PRKCH: variants seen among roughly 807,000 people sequenced by gnomAD.
The protein encoded by PRKCH is protein kinase C eta type.
PRKCH carries 28 observed loss-of-function variants against 82.5 expected under a neutral mutation model. The ratio of observed to expected loss-of-function variants is 0.34; its 90% CI spans 0.25 to 0.47. PRKCH has a LOEUF of 0.47. Ranked by LOEUF, PRKCH falls within the 20% of genes least tolerant of loss-of-function variation. The pLI, the probability that PRKCH is intolerant of heterozygous loss-of-function variation, is 1.00. For missense variants in PRKCH, 705 were observed against 881.8 expected (o/e 0.80, Z 2.54); for synonymous variants, 322 against 327.4 (o/e 0.98, Z 0.18).
upstream of PRKCH, among the ~76,000 whole-genome samples, chr14:61,320,970 C>T (rs1166790411): frequency 6.6e-6 from 1 of 152,228 alleles, no homozygotes; most frequent in Admixed American, 6.5e-5. Flanking sequence ...ACCTTTCCTG[C>T]TCTATGTGCA....
At chr14:61,307,433 A>G (rs1032267920) in intron 1 of PRKCH, among the ~76,000 whole-genome samples, 1 of 152,232 alleles carries the variant, frequency 6.6e-6, no homozygotes, top group African/African-American at 2.4e-5. Flanking sequence ...CAATCTAAAC[A>G]ATAATGCTGT....
chr14:61,485,965 G>A (rs1886202077), intron 10 of PRKCH, among the ~76,000 whole-genome samples: 1 of 152,086 alleles, frequency 6.6e-6, no homozygotes, highest in Non-Finnish European at 1.5e-5. Context: ...CAGGGGTCTT[G>A]CAATGTTGCC....
chr14:61,197,384 C>A (rs948562436), intron 1 of PRKCH, among the ~76,000 whole-genome samples: 1 of 152,104 alleles, frequency 6.6e-6, no homozygotes, highest in Non-Finnish European at 1.5e-5. Context: ...GGGCTTAGCC[C>A]AGTACTAATT....
At chr14:61,256,206 C>A (rs2044996558) in intron 1 of PRKCH, among the ~76,000 whole-genome samples, 1 of 152,084 alleles carries the variant, frequency 6.6e-6, no homozygotes, top group South Asian at 2.1e-4. Context: ...TGAAAAATAC[C>A]AAGACAGATA....
At chr14:61,377,215 C>T (rs1196027486) in intron 1 of PRKCH, among the ~76,000 whole-genome samples, 1 of 152,208 alleles carries the variant, frequency 6.6e-6, no homozygotes, top group East Asian at 1.9e-4. Flanking sequence ...CTCCTCCCAC[C>T]TCTCAGATTG....
intron 2 of PRKCH, among the ~76,000 whole-genome samples, chr14:61,431,640 A>G (rs1187776307): frequency 8.5e-5 from 13 of 152,250 alleles, no homozygotes; most frequent in Admixed American, 5.9e-4. Context: ...AGGGAATGTA[A>G]TCCTAGGACA....
rs1883316627 is a variant in PRKCH, at chr14:61,430,217, A to G, written c.428-12894A>G. 2.0e-5 allele frequency among the ~76,000 whole-genome samples: 3 copies of G among 152,364 alleles called. No homozygotes were observed. In the South Asian group the frequency reaches 6.2e-4, roughly 32 times the overall value. On this transcript the variant is annotated intron_variant, in intron 2 of 13. Transcript: ENST00000332981. Reference sequence around the variant, plus strand: ...GAATGGGCAATACACACATAGAAACATGCTCAGCAATTTTAGGCTTTAGGG... The same window carrying G: ...GAATGGGCAATACACACATAGAAACGTGCTCAGCAATTTTAGGCTTTAGGG...
chr14:61,322,150 G>A lies in PRKCH; in HGVS notation c.49G>A (p.Gly17Ser). Residue 17 changes from glycine to serine, a missense_variant, in exon 1 of 14, where the codon GGT becomes AGT. Physicochemically the swap from Gly to Ser is moderately conservative, Grantham distance 56 (BLOSUM62 0). This residue lies in a region of PRKCH where 246 missense variants were observed against 308.0 expected (regional missense o/e 0.80). Coordinates refer to ENST00000332981, the MANE Select transcript of PRKCH (RefSeq NM_006255.5). ...CAATGGCTATTTGAGGGTCCGCATC[G>A]GTGAGGCAGTGGGGCTGCAGCCCAC... ...KFNGYLRVRI[G>S]EAVGLQPTRW... 3 of 1,607,582 alleles carry A rather than the reference G, an allele frequency of 1.9e-6. No homozygotes were observed. Among genetic ancestry groups the A allele is most frequent in the Non-Finnish European group, 2.5e-6 (3 of 1,177,132 alleles).
chr14:61,297,712 GT>G lies in PRKCH; in HGVS notation c.-19+110045del, dbSNP rs1323085502. Among the ~76,000 whole-genome samples, 370 of 152,320 alleles carry G rather than the reference GT, an allele frequency of 2.4e-3. 3 individuals are homozygous for G. Among genetic ancestry groups the G allele is most frequent in the Admixed American group, 3.9e-3 (59 of 15,296 alleles). The stretch of plus-strand genomic sequence containing the variant: ...AGTGCTGCCACTGATCTGACGGGAA[GT>G]GGAGTTCAGGGGGTAATGCTGGCTT... On this transcript the variant is annotated intron_variant, in intron 1 of 3. Coordinates refer to the PRKCH transcript ENST00000555185.
At chr14:61,287,508 T>G (rs1681350797) in intron 1 of PRKCH, among the ~76,000 whole-genome samples, 1 of 150,874 alleles carries the variant, frequency 6.6e-6, no homozygotes, top group Non-Finnish European at 1.5e-5. Context: ...GCCAGGAGTT[T>G]GAGACCAGCC....
intron 1 of PRKCH, chr14:61,298,549 A>C (rs963505476): frequency 4.6e-5 from 7 of 152,184 alleles, no homozygotes; most frequent in Non-Finnish European, 8.8e-5. Context: ...AATAAGATAC[A>C]TATTCATTTA....
rs772941357 is a variant in PRKCH at position 61,280,598 on chromosome 14, C to T, written c.-19+92930C>T. 16 of 1,590,764 alleles carry T rather than the reference C, an allele frequency of 1.0e-5. No homozygotes were observed. The highest frequency in any genetic ancestry group is 1.3e-5 in the Non-Finnish European group (15 of 1,169,022). The stretch of plus-strand genomic sequence containing the variant: ...TCGAGCGGCACCTCGACGTAGGGCC[C>T]GCCGGGCTGGCGCTGGTGCCAAAGC... On this transcript the variant is annotated intron_variant, in intron 1 of 3. Coordinates refer to the PRKCH transcript ENST00000555185. The surrounding 1 kb of genome is among the most constrained non-coding windows in gnomAD (Gnocchi z 5.0).
rs145334265 is a variant in PRKCH, at chr14:61,287,360, T to C, written c.-19+99692T>C. On this transcript the variant is annotated intron_variant, in intron 1 of 3. Transcript: ENST00000555185. ...GCAGAGGACAAGTTAGGTGACAGAA[T>C]TGAGACAGAGGGGAAGGAAGAGCTC... Among the ~76,000 whole-genome samples the C allele has an allele frequency of 2.7e-3, 417 of 151,806 alleles. 3 individuals carry two copies. The highest frequency in any genetic ancestry group is 9.8e-3 in the African/African-American group (406 of 41,402).
At chr14:61,370,404 A>T (rs1034898898) in intron 1 of PRKCH, among the ~76,000 whole-genome samples, 1 of 152,056 alleles carries the variant, frequency 6.6e-6, no homozygotes, top group African/African-American at 2.4e-5. Context: ...GTTAAGTGCG[A>T]TGCCAGTTTG....
chr14:61,404,541 G>A (rs1881837784), intron 2 of PRKCH, among the ~76,000 whole-genome samples: 1 of 129,720 alleles, frequency 7.7e-6, no homozygotes, highest in South Asian at 2.5e-4. Context: ...ATGTGTGTAT[G>A]CATGTACTTA....
At chr14:61,308,149 T>C (rs1566814213) in intron 1 of PRKCH, among the ~76,000 whole-genome samples, 1 of 152,204 alleles carries the variant, frequency 6.6e-6, no homozygotes, top group African/African-American at 2.4e-5. Context: ...CCCAGGTAAT[T>C]TGAAAACTTA....
At chr14:61,521,063 C>T (rs746615712) in intron 10 of PRKCH, among the ~76,000 whole-genome samples, 1 of 152,052 alleles carries the variant, frequency 6.6e-6, no homozygotes, top group Non-Finnish European at 1.5e-5. Flanking sequence ...GAGCCAGAGG[C>T]ATAGGAGATA....
rs962815135 is a variant in PRKCH at position 61,199,767 on chromosome 14, A to G, written c.-19+12099A>G. Among the ~76,000 whole-genome samples, 3 of 152,162 alleles carry G rather than the reference A, an allele frequency of 2.0e-5. No homozygotes were observed. In the South Asian group the frequency reaches 6.2e-4, roughly 32 times the overall value. ...CCATGGAGCGCTTACCTCTATTATT[A>G]TATCTCCCCCTCCCCTTTGGTCTTC... On this transcript the variant is annotated intron_variant, in intron 1 of 3. Transcript: ENST00000555185.
intron 1 of PRKCH, among the ~76,000 whole-genome samples, chr14:61,370,791 A>G (rs540706154): frequency 6.6e-6 from 1 of 152,144 alleles, no homozygotes; most frequent in Admixed American, 6.5e-5. Context: ...TTGTCTGAAA[A>G]CAATTTGCAG....
Sources: gnomAD v4.1 joint callset for allele counts (sites outside exome capture counted in the v4.1 genomes callset) on GRCh38, gnomAD v4.1.1 for gene constraint, gnomAD v4.1.1 regional missense constraint, Gnocchi (gnomAD v3.1) non-coding constraint, MANE v1.5 for transcripts, NCBI Gene and HGNC (gene_info 2026-07-23, HGNC 2026-07-21) for gene names.